CSGALNACT1: variants seen among roughly 807,000 people sequenced by gnomAD.
The protein encoded by CSGALNACT1 is beta4GalNAcT-1.
Under a neutral mutation model 51.0 loss-of-function variants are expected in CSGALNACT1, and 52 were observed. The observed-to-expected ratio is 1.02, with a 90% CI of 0.82 to 1.29. The LOEUF is 1.29. CSGALNACT1 is among the 50% of genes most tolerant of loss of function. The pLI is 0.00. For missense variants in CSGALNACT1, 935 were observed against 679.2 expected (o/e 1.38, Z -4.19); for synonymous variants, 341 against 254.4 (o/e 1.34, Z -3.24).
intron 6 of CSGALNACT1, among the ~76,000 whole-genome samples, chr8:19,428,720 G>A (rs1585767204): frequency 6.6e-6 from 1 of 152,056 alleles, no homozygotes; most frequent in African/African-American, 2.4e-5. Context: ...ACAGCAGCAC[G>A]TTCAATTTGG....
chr8:19,659,341 A>G (rs2058568393), intron 1 of CSGALNACT1, among the ~76,000 whole-genome samples: 1 of 152,148 alleles, frequency 6.6e-6, no homozygotes, highest in Admixed American at 6.6e-5. Context: ...CATCCCAACT[A>G]TGTCAGATTC....
At chr8:19,667,040 G>GAAAGAAAGAAAGA (rs1554795061) in intron 1 of CSGALNACT1, among the ~76,000 whole-genome samples, 1 of 34,966 alleles carries the variant, frequency 2.9e-5, no homozygotes, top group African/African-American at 1.5e-4. Context: ...AGGAAGGAAG[G>GAAAGAAAGAAAGA]AAGAAAGAAA....
intron 4 of CSGALNACT1, among the ~76,000 whole-genome samples, chr8:19,460,661 A>G (rs1458927657): frequency 6.6e-6 from 1 of 152,222 alleles, no homozygotes; most frequent in Non-Finnish European, 1.5e-5. Flanking sequence ...GCAATGGAAT[A>G]CAGTTTGAAA....
chr8:19,505,491 T>G, exon 4 of CSGALNACT1: 2 of 1,614,098 alleles, frequency 1.2e-6, no homozygotes, highest in Non-Finnish European at 1.7e-6. Flanking sequence ...GGCCTGGGTT[T>G]TCTCTGGGGG....
chr8:19,587,238 G>A (rs2046851661), intron 3 of CSGALNACT1, among the ~76,000 whole-genome samples: 1 of 152,178 alleles, frequency 6.6e-6, no homozygotes, highest in Non-Finnish European at 1.5e-5. Flanking sequence ...CAGAAACTCT[G>A]GGAATAGGCT....
At chr8:19,689,844 G>A (rs1355936514) in intron 1 of CSGALNACT1, among the ~76,000 whole-genome samples, 2 of 152,194 alleles carry the variant, frequency 1.3e-5, no homozygotes, top group Non-Finnish European at 2.9e-5. Context: ...CCCTTACAAG[G>A]AAAGTGACGT....
intron 1 of CSGALNACT1, among the ~76,000 whole-genome samples, chr8:19,664,895 T>TG (rs2059062942): frequency 6.6e-6 from 1 of 152,260 alleles, no homozygotes; most frequent in East Asian, 1.9e-4. Flanking sequence ...AATGGGAGGA[T>TG]GGGGGGTGAG....
intron 1 of CSGALNACT1, among the ~76,000 whole-genome samples, chr8:19,717,030 C>T (rs937244154): frequency 3.9e-5 from 6 of 152,038 alleles, no homozygotes; most frequent in Non-Finnish European, 7.4e-5. Flanking sequence ...TGGGGATAAA[C>T]GAGGCAAAAA....
At chr8:19,466,259 A>AGG (rs898027191) in intron 4 of CSGALNACT1, among the ~76,000 whole-genome samples, 1 of 152,218 alleles carries the variant, frequency 6.6e-6, no homozygotes, top group Non-Finnish European at 1.5e-5. Flanking sequence ...CAGAAGGGAG[A>AGG]GGGCAAAACA....
chr8:19,699,071 T>C (rs1270578356), intron 1 of CSGALNACT1, among the ~76,000 whole-genome samples: 1 of 152,232 alleles, frequency 6.6e-6, no homozygotes, highest in Non-Finnish European at 1.5e-5. Flanking sequence ...TTTTTTGAGA[T>C]GAGGTCTCAC....
intron 1 of CSGALNACT1, among the ~76,000 whole-genome samples, chr8:19,705,559 A>G (rs2062112084): frequency 2.0e-5 from 3 of 152,102 alleles, no homozygotes; most frequent in African/African-American, 7.2e-5. Context: ...AATATGATGA[A>G]ACACCATCTC....
chr8:19,717,095 T>C (rs895729526), intron 1 of CSGALNACT1, among the ~76,000 whole-genome samples: 1 of 152,234 alleles, frequency 6.6e-6, no homozygotes, highest in Non-Finnish European at 1.5e-5. Flanking sequence ...ATGCATGTGA[T>C]AAGCACTATG....
At chr8:19,475,413 C>A (rs373006545) in intron 4 of CSGALNACT1, among the ~76,000 whole-genome samples, 1 of 152,094 alleles carries the variant, frequency 6.6e-6, no homozygotes, top group East Asian at 1.9e-4. Context: ...ATCCCTACAG[C>A]TAAAACAAAA....
At chr8:19,518,442 T>C (rs531522329) in intron 3 of CSGALNACT1, among the ~76,000 whole-genome samples, 11 of 152,236 alleles carry the variant, frequency 7.2e-5, no homozygotes, top group African/African-American at 2.6e-4. Context: ...TGCATAATAA[T>C]ATTAGGGTGG....
At chr8:19,506,667 G>A (rs999467604) in intron 3 of CSGALNACT1, among the ~76,000 whole-genome samples, 7 of 152,194 alleles carry the variant, frequency 4.6e-5, no homozygotes, top group Non-Finnish European at 1.0e-4. Context: ...TCTTGCTGGA[G>A]TGAGTTGGCA....
chr8:19,714,595 G>A (rs376195959), intron 1 of CSGALNACT1, among the ~76,000 whole-genome samples: 2 of 151,776 alleles, frequency 1.3e-5, no homozygotes, highest in African/African-American at 4.8e-5. Flanking sequence ...TTTTAGTTTG[G>A]GTAATTTCTA....
intron 6 of CSGALNACT1, among the ~76,000 whole-genome samples, chr8:19,428,719 C>T (rs907164845): frequency 6.6e-6 from 1 of 152,048 alleles, no homozygotes; most frequent in African/African-American, 2.4e-5. Flanking sequence ...TACAGCAGCA[C>T]GTTCAATTTG....
At chr8:19,452,666 G>T (rs1032546026) in intron 5 of CSGALNACT1, among the ~76,000 whole-genome samples, 6 of 152,162 alleles carry the variant, frequency 3.9e-5, no homozygotes, top group Admixed American at 2.0e-4. Flanking sequence ...CAAGTGAGCT[G>T]GAGACGTGAG....
chr8:19,583,170 CT>C (rs1409901685), intron 3 of CSGALNACT1, among the ~76,000 whole-genome samples: 1 of 151,552 alleles, frequency 6.6e-6, no homozygotes, highest in African/African-American at 2.4e-5. Flanking sequence ...AAACCAATAC[CT>C]TTTTTTAAAA....
Sources: allele counts gnomAD v4.1 joint callset (sites outside exome capture counted in the v4.1 genomes callset), GRCh38; gene constraint gnomAD v4.1.1; transcripts MANE v1.5; gene names NCBI Gene and HGNC (gene_info 2026-07-23, HGNC 2026-07-21).